Variants in KCNH1 observed in about 807,000 individuals in gnomAD.
The protein encoded by KCNH1 is potassium voltage-gated channel subfamily H member 1.
A neutral mutation model predicts 69.2 loss-of-function variants in KCNH1; 27 were observed. That is an observed-to-expected ratio of 0.39 (90% CI 0.29 to 0.54). The LOEUF is 0.54. Among genes scored for constraint, KCNH1 ranks in the 20% least tolerant of loss-of-function variants. The pLI is 0.68. For synonymous variants in KCNH1, 456 were observed against 487.7 expected (o/e 0.93, Z 0.86); for missense variants, 798 against 1,261.6 (o/e 0.63, Z 5.57).
chr1:210,809,800 T>C (rs917172659), intron 7 of KCNH1, among the ~76,000 whole-genome samples: 1 of 152,192 alleles, frequency 6.6e-6, no homozygotes, highest in Non-Finnish European at 1.5e-5. Flanking sequence ...TTCTGTTTAG[T>C]CTTAGGGAAG....
chr1:211,021,308 A>AT (rs1320085554), intron 5 of KCNH1, among the ~76,000 whole-genome samples: 1 of 152,102 alleles, frequency 6.6e-6, no homozygotes, highest in Non-Finnish European at 1.5e-5. Flanking sequence ...ACCTATGGAA[A>AT]TAAAAAAAAA....
intron 10 of KCNH1, among the ~76,000 whole-genome samples, chr1:210,724,723 A>C (rs1682548633): frequency 6.6e-6 from 1 of 152,098 alleles, no homozygotes; most frequent in African/African-American, 2.4e-5. Flanking sequence ...AGGGTCTCAT[A>C]ATAGCTTCTG....
intron 10 of KCNH1, among the ~76,000 whole-genome samples, chr1:210,690,335 G>A (rs979737489): frequency 6.6e-6 from 1 of 152,184 alleles, no homozygotes; most frequent in Non-Finnish European, 1.5e-5. Flanking sequence ...CTCCTTGCTA[G>A]TAGGAGCCAG....
chr1:210,689,735 G>A (rs1399819420), intron 10 of KCNH1, among the ~76,000 whole-genome samples: 1 of 152,232 alleles, frequency 6.6e-6, no homozygotes, highest in Admixed American at 6.5e-5. Flanking sequence ...CCTTGGGAAA[G>A]TTATATCCTT....
intron 7 of KCNH1, among the ~76,000 whole-genome samples, chr1:210,881,987 A>C (rs190036640): frequency 5.1e-4 from 77 of 152,306 alleles, no homozygotes; most frequent in African/African-American, 1.9e-3. Context: ...AACCCATAGA[A>C]GGTACAACAC....
intron 7 of KCNH1, among the ~76,000 whole-genome samples, chr1:210,833,822 T>A (rs1225774729): frequency 2.0e-5 from 3 of 151,978 alleles, no homozygotes; most frequent in Non-Finnish European, 1.5e-5. Flanking sequence ...TACAATGAAC[T>A]CACACAAATT....
intron 7 of KCNH1, among the ~76,000 whole-genome samples, chr1:210,843,984 T>C (rs931994800): frequency 3.9e-5 from 6 of 152,148 alleles, no homozygotes; most frequent in African/African-American, 1.4e-4. Context: ...TTCCCAAAGA[T>C]GCTGATTTAC....
chr1:211,083,229 CA>C (rs1690889249), intron 4 of KCNH1, among the ~76,000 whole-genome samples: 1 of 152,330 alleles, frequency 6.6e-6, no homozygotes, highest in East Asian at 1.9e-4. Flanking sequence ...CACTCTGGCC[CA>C]AGCCTTCTTC....
Position 210,971,021 on chromosome 1 carries a change from C to T in KCNH1, c.1032+47762G>A, listed in dbSNP as rs542775052. 2.8e-4 allele frequency among the ~76,000 whole-genome samples: 43 copies of T among 152,184 alleles called. 1 individual carries two copies. In the South Asian group the frequency reaches 6.2e-3, roughly 22 times the overall value. ...CACTTCTCAAAAGAAGACATTTATGCGGCCAATAAACATGAAAGAAAGCTC... is the reference window on the plus strand; with the variant it reads ...CACTTCTCAAAAGAAGACATTTATGTGGCCAATAAACATGAAAGAAAGCTC... On this transcript the variant is annotated intron_variant, in intron 6 of 10. Coordinates refer to ENST00000271751, the MANE Select transcript of KCNH1 (RefSeq NM_172362.3).
At chr1:211,073,097 C>A (rs1265647373) in intron 5 of KCNH1, among the ~76,000 whole-genome samples, 1 of 152,022 alleles carries the variant, frequency 6.6e-6, no homozygotes, top group Non-Finnish European at 1.5e-5. Flanking sequence ...TCAGACAGAG[C>A]AGACTTCAAA....
chr1:210,910,194 T>A (rs1687200481), intron 7 of KCNH1, among the ~76,000 whole-genome samples: 1 of 137,274 alleles, frequency 7.3e-6, no homozygotes, highest in Non-Finnish European at 1.5e-5. Context: ...AAAAAAAAAT[T>A]TCATCAAATT....
intron 7 of KCNH1, among the ~76,000 whole-genome samples, chr1:210,875,126 A>T (rs1178731973): frequency 2.0e-5 from 3 of 152,258 alleles, no homozygotes; most frequent in Non-Finnish European, 4.4e-5. Context: ...CTTCTCAAGA[A>T]ATACAGAAGC....
intron 8 of KCNH1, among the ~76,000 whole-genome samples, chr1:210,802,978 C>G (rs1165551441): frequency 6.6e-6 from 1 of 152,204 alleles, no homozygotes; most frequent in Non-Finnish European, 1.5e-5. Flanking sequence ...CCTAAATTCT[C>G]ATTCCATAGA....
chr1:210,918,632 A>G (rs764080249), intron 7 of KCNH1, among the ~76,000 whole-genome samples: 4 of 152,214 alleles, frequency 2.6e-5, no homozygotes, highest in Non-Finnish European at 2.9e-5. Context: ...TTCCTCAAGA[A>G]CTAAGGTTGT....
chr1:211,115,562 C>G (rs1691556493), intron 1 of KCNH1, among the ~76,000 whole-genome samples: 1 of 151,840 alleles, frequency 6.6e-6, no homozygotes, highest in South Asian at 2.1e-4. Context: ...TTCTCCTGTG[C>G]TGGATGCTTC....
chr1:210,984,112 A>G (rs1408945856), intron 6 of KCNH1, among the ~76,000 whole-genome samples: 2 of 152,182 alleles, frequency 1.3e-5, no homozygotes, highest in African/African-American at 4.8e-5. Flanking sequence ...TGATTTTTGC[A>G]CATTGATTTT....
intron 7 of KCNH1, among the ~76,000 whole-genome samples, chr1:210,856,898 T>TATATATATATATATATATAAAA (rs1410330503): frequency 9.0e-5 from 11 of 121,684 alleles, no homozygotes; most frequent in African/African-American, 3.1e-4. Context: ...TATATATATA[T>TATATATATATATATATATAAAA]AAAATACTCA....
At chr1:210,967,353 T>C (rs903600364) in intron 6 of KCNH1, among the ~76,000 whole-genome samples, 4 of 151,934 alleles carry the variant, frequency 2.6e-5, no homozygotes, top group East Asian at 1.9e-4. Flanking sequence ...TGTAAAAAAA[T>C]AGTAAAAAGA....
At chr1:210,757,188 T>C (rs564365510) in intron 10 of KCNH1, among the ~76,000 whole-genome samples, 1 of 152,152 alleles carries the variant, frequency 6.6e-6, no homozygotes, top group African/African-American at 2.4e-5. Context: ...GCCCTGTCTA[T>C]CTCATGTGTA....
Sources: gnomAD v4.1 joint callset for allele counts (sites outside exome capture counted in the v4.1 genomes callset) on GRCh38, gnomAD v4.1.1 for gene constraint, MANE v1.5 for transcripts, NCBI Gene and HGNC (gene_info 2026-07-23, HGNC 2026-07-21) for gene names.